The following RIC3 variants were observed in gnomAD, a reference collection of about 807,000 sequenced individuals.
The protein encoded by RIC3 is protein RIC-3.
A neutral mutation model predicts 27.3 loss-of-function variants in RIC3; 28 were observed. The observed-to-expected ratio is 1.02, with a 90% CI of 0.76 to 1.41. RIC3 has a LOEUF of 1.41. Ranked by LOEUF, RIC3 falls within the 40% of genes most tolerant of loss-of-function variation. The pLI is 0.00. For synonymous variants in RIC3, 184 were observed against 160.4 expected, an observed-to-expected ratio of 1.15 and a Z score of -1.11; for missense variants, 501 against 444.7, an observed-to-expected ratio of 1.13 and a Z score of -1.14.
chr11:8,163,176 A>C (rs1157966605), intron 1 of RIC3, among the ~76,000 whole-genome samples: 1 of 152,018 alleles, frequency 6.6e-6, no homozygotes, highest in Non-Finnish European at 1.5e-5. Context: ...TAAAGGACAA[A>C]ACTCACATAA....
In RIC3 at chr11:8,152,337, A is replaced by G. The variant is rs557466561; in HGVS notation, c.125-12144T>C. Among the ~76,000 whole-genome samples the G allele has an allele frequency of 3.3e-5, 5 of 152,350 alleles. No homozygotes were observed. The South Asian group carries it at 1.0e-3, about 32-fold the overall frequency. ...TATCTAAATGTCCATCAACTTATGA[A>G]TAGATCAACAAAATGTAGTATATCC... On this transcript the variant is annotated intron_variant, in intron 1 of 5. Coordinates refer to ENST00000309737, the MANE Select transcript of RIC3 (RefSeq NM_001206671.4).
intron 1 of RIC3, among the ~76,000 whole-genome samples, chr11:8,158,977 C>T (rs1312153869): frequency 1.3e-5 from 2 of 150,822 alleles, no homozygotes; most frequent in Admixed American, 6.6e-5. Flanking sequence ...GTGATCCACC[C>T]GCCTTGGCCT....
intron 1 of RIC3, among the ~76,000 whole-genome samples, chr11:8,146,241 C>T (rs565141953): frequency 6.6e-6 from 1 of 152,284 alleles, no homozygotes; most frequent in South Asian, 2.1e-4. Flanking sequence ...GACATACCTA[C>T]AGCAACATGA....
intron 1 of RIC3, among the ~76,000 whole-genome samples, chr11:8,151,936 C>A (rs1426883691): frequency 1.3e-5 from 2 of 150,256 alleles, no homozygotes; most frequent in Non-Finnish European, 3.0e-5. Flanking sequence ...AAAAAAAGAG[C>A]AAGGGATCTG....
At chr11:8,140,270 G>A (rs1948902989) in intron 1 of RIC3, 77 bp from the exon 2 acceptor site, 1 of 1,315,406 alleles carries the variant, frequency 7.6e-7, no homozygotes, top group Non-Finnish European at 1.0e-6. Context: ...AATCATTAAG[G>A]TATAAAAGAG....
chr11:8,164,668 C>T (rs1360190708), intron 1 of RIC3, among the ~76,000 whole-genome samples: 1 of 151,208 alleles, frequency 6.6e-6, no homozygotes, highest in East Asian at 1.9e-4. Context: ...GTCCTAGTTA[C>T]CTGGGAGGGT....
At chr11:8,134,227 T>C (rs1471967483) in intron 4 of RIC3, among the ~76,000 whole-genome samples, 3 of 152,284 alleles carry the variant, frequency 2.0e-5, no homozygotes, top group Non-Finnish European at 2.9e-5. Context: ...TTCCCACCTA[T>C]GAGTGAGAAC....
At chr11:8,126,466 GTTCT>G (rs566167751) in intron 5 of RIC3, among the ~76,000 whole-genome samples, 189 bp downstream of exon 5, 63 of 152,300 alleles carry the variant, frequency 4.1e-4, no homozygotes, top group Non-Finnish European at 8.1e-4. Flanking sequence ...TAATGGAAAT[GTTCT>G]TTATCAAAAT....
At chr11:8,142,539 T>C (rs1229721573) in intron 1 of RIC3, among the ~76,000 whole-genome samples, 14 of 148,598 alleles carry the variant, frequency 9.4e-5, no homozygotes, top group East Asian at 5.9e-4. Flanking sequence ...TAATCAATAG[T>C]TTACCAACCA....
At chr11:8,140,402 C>T (rs1471914657) in intron 1 of RIC3, among the ~76,000 whole-genome samples, 1 of 152,102 alleles carries the variant, frequency 6.6e-6, no homozygotes, top group African/African-American at 2.4e-5. Context: ...TTTCTCTTCC[C>T]TCTGGGTCCT....
intron 5 of RIC3, among the ~76,000 whole-genome samples, chr11:8,112,342 G>A (rs1407914872): frequency 6.8e-6 from 1 of 146,594 alleles, no homozygotes; most frequent in East Asian, 2.0e-4. Context: ...TGCCCAGGCT[G>A]GAGTGCAGTG....
At chr11:8,117,456 AAGAC>A (rs1945973813) in intron 5 of RIC3, among the ~76,000 whole-genome samples, 1 of 152,210 alleles carries the variant, frequency 6.6e-6, no homozygotes, top group African/African-American at 2.4e-5. Context: ...CAGGCACAGA[AAGAC>A]AGATACAGCG....
the RIC3 span, among the ~76,000 whole-genome samples, chr11:8,095,341 G>A: frequency 1.3e-5 from 2 of 152,210 alleles, no homozygotes; most frequent in East Asian, 1.9e-4. Flanking sequence ...GTTGTTAACA[G>A]GCTGGTGCAA....
At chr11:8,097,259 C>T in the RIC3 span, 9 of 1,614,050 alleles carry the variant, frequency 5.6e-6, no homozygotes, top group Admixed American at 6.7e-5. Flanking sequence ...CCAACAGCTC[C>T]AGAGCAACCA....
At chr11:8,125,589 T>C (rs1475999093) in intron 5 of RIC3, among the ~76,000 whole-genome samples, 1 of 152,194 alleles carries the variant, frequency 6.6e-6, no homozygotes, top group Non-Finnish European at 1.5e-5. Context: ...TAAGGTATCA[T>C]TTTACACTCA....
In RIC3 at chr11:8,107,749, C is replaced by G. The variant is rs4758042; in HGVS notation, c.*2949G>C. ...CAGGAAAGGGGATCTCCTGGCTGCA[C>G]CACCCACCTGATTTACCAAGAGTGA... On this transcript the variant is annotated 3_prime_UTR_variant, in exon 6 of 6. Transcript: ENST00000309737. The G allele has an allele frequency of 6.6e-6, 1 of 151,952 alleles. No individual in the cohort carries two copies. Among genetic ancestry groups the G allele is most frequent in the African/African-American group, 2.4e-5 (1 of 41,374 alleles). 9.4% of individuals were successfully genotyped at this position (151,952 alleles called of 1,614,324 possible). A position where few individuals can be genotyped will look rare whatever the true frequency, so the allele number is the denominator to read the frequency against.
At position 8,107,121 on chromosome 11, in the gene RIC3, G is replaced by A. The variant is rs1360857299; in HGVS notation, c.*3577C>T. ...TTTGTATAAAAAAAGGGAAATAAAG[G>A]AAAAGGAAGCACATTTTAGAAAAGT... On this transcript the variant is annotated 3_prime_UTR_variant, in exon 6 of 6. Transcript: ENST00000309737. 3 of 152,190 alleles carry A rather than the reference G, an allele frequency of 2.0e-5. No homozygotes were observed. Among genetic ancestry groups the A allele is most frequent in the African/African-American group, 4.8e-5 (2 of 41,438 alleles). The allele number at this position is 152,190 out of a possible 1,614,324, so 9.4% of individuals were successfully genotyped here.
At chr11:8,156,669 T>C (rs1000391328) in intron 1 of RIC3, among the ~76,000 whole-genome samples, 1 of 152,160 alleles carries the variant, frequency 6.6e-6, no homozygotes, top group African/African-American at 2.4e-5. Context: ...AGCCTATGCT[T>C]ATCCTCCAGT....
intron 1 of RIC3, among the ~76,000 whole-genome samples, chr11:8,149,618 C>A (rs529244268): frequency 6.6e-6 from 1 of 152,222 alleles, no homozygotes; most frequent in African/African-American, 2.4e-5. Flanking sequence ...GTGGCTAGAG[C>A]TATAAAAAGG....
Sources: allele counts gnomAD v4.1 joint callset (sites outside exome capture counted in the v4.1 genomes callset), GRCh38; gene constraint gnomAD v4.1.1; transcripts MANE v1.5; gene names NCBI Gene and HGNC (gene_info 2026-07-23, HGNC 2026-07-21).